Variants in ITGBL1 observed in about 807,000 individuals in gnomAD.
ITGBL1 encodes the protein integrin beta-like protein 1.
A neutral mutation model predicts 68.5 loss-of-function variants in ITGBL1; 51 were observed. The ratio of observed to expected loss-of-function variants is 0.74; its 90% CI spans 0.59 to 0.94. ITGBL1 has a LOEUF of 0.94. Ranked by LOEUF, ITGBL1 falls within the 40% of genes least tolerant of loss-of-function variation. The pLI is 0.00. For synonymous variants in ITGBL1, 209 were observed against 227.3 expected (o/e 0.92, Z 0.72); for missense variants, 649 against 647.4 (o/e 1.00, Z -0.03).
chr13:101,489,275 A>G (rs1255419886), intron 2 of ITGBL1, among the ~76,000 whole-genome samples: 1 of 152,236 alleles, frequency 6.6e-6, no homozygotes, highest in African/African-American at 2.4e-5. Flanking sequence ...AGAATGTGAA[A>G]TAAAGGATTG....
At chr13:101,502,011 A>T (rs1481429227) in intron 2 of ITGBL1, among the ~76,000 whole-genome samples, 1 of 152,154 alleles carries the variant, frequency 6.6e-6, no homozygotes, top group Non-Finnish European at 1.5e-5. Context: ...GGTGAGCCTC[A>T]TCGTTGAAAG....
At chr13:101,630,503 T>C (rs578063773) in intron 7 of ITGBL1, among the ~76,000 whole-genome samples, 6 of 152,292 alleles carry the variant, frequency 3.9e-5, no homozygotes, top group Admixed American at 2.0e-4. Flanking sequence ...TAACTTCACA[T>C]TGAGACCTGG....
At chr13:101,640,485 C>T (rs557125322) in intron 7 of ITGBL1, among the ~76,000 whole-genome samples, 1 of 152,126 alleles carries the variant, frequency 6.6e-6, no homozygotes, top group Admixed American at 6.6e-5. Context: ...TTTTTTACTA[C>T]CTGAAATCTC....
At chr13:101,455,294 A>G (rs2048228013) in intron 2 of ITGBL1, among the ~76,000 whole-genome samples, 1 of 152,226 alleles carries the variant, frequency 6.6e-6, no homozygotes, top group African/African-American at 2.4e-5. Flanking sequence ...TGCAAAAAAT[A>G]GTCATAGAAG....
chr13:101,605,714 G>A (rs576825903), intron 7 of ITGBL1, among the ~76,000 whole-genome samples: 3 of 151,466 alleles, frequency 2.0e-5, no homozygotes, highest in South Asian at 2.1e-4. Flanking sequence ...ATGTATGTGC[G>A]TATATGCGTG....
chr13:101,675,727 G>A (rs1393549096), intron 7 of ITGBL1, among the ~76,000 whole-genome samples: 2 of 152,082 alleles, frequency 1.3e-5, no homozygotes, highest in East Asian at 3.9e-4. Context: ...CCGTGTAAAT[G>A]TCTTATCCAT....
intron 2 of ITGBL1, among the ~76,000 whole-genome samples, chr13:101,503,606 C>T: frequency 6.6e-6 from 1 of 152,138 alleles, no homozygotes; most frequent in Non-Finnish European, 1.5e-5. Flanking sequence ...AAATGACCTC[C>T]AACACACCCC....
intron 3 of ITGBL1, among the ~76,000 whole-genome samples, chr13:101,569,538 G>A (rs937214404): frequency 5.9e-5 from 9 of 152,068 alleles, no homozygotes; most frequent in African/African-American, 1.9e-4. Flanking sequence ...CCTGTATAGC[G>A]TTTTCCTCTC....
chr13:101,569,916 A>G (rs115929323), intron 3 of ITGBL1, among the ~76,000 whole-genome samples: 1 of 152,258 alleles, frequency 6.6e-6, no homozygotes, highest in African/African-American at 2.4e-5. Context: ...ACAAATGTGC[A>G]TTCTATGAGG....
At chr13:101,587,720 CA>C (rs1360608156) in intron 6 of ITGBL1, among the ~76,000 whole-genome samples, 1 of 151,934 alleles carries the variant, frequency 6.6e-6, no homozygotes, top group East Asian at 1.9e-4. Flanking sequence ...TTGATAGAAC[CA>C]TATTATGTGG....
rs369758695 is a variant in ITGBL1, at chr13:101,673,549, G to T, written c.1016-19036G>T. ...AATACTCAAGAAAATAGGCCACATAGTTACAACAGGACTTACCTAATTCCC... is the reference window on the plus strand; with the variant it reads ...AATACTCAAGAAAATAGGCCACATATTTACAACAGGACTTACCTAATTCCC... On this transcript the variant is annotated intron_variant, in intron 7 of 10. Coordinates refer to ENST00000376180, the MANE Select transcript of ITGBL1 (RefSeq NM_004791.3). Among the ~76,000 whole-genome samples the T allele has an allele frequency of 3.9e-5, 6 of 152,194 alleles. No individual in the cohort carries two copies. In the East Asian group the frequency reaches 7.7e-4, roughly 20 times the overall value.
chr13:101,578,629 A>C (rs1309102239), intron 4 of ITGBL1, among the ~76,000 whole-genome samples: 1 of 152,194 alleles, frequency 6.6e-6, no homozygotes, highest in African/African-American at 2.4e-5. Flanking sequence ...GCATCTGGAC[A>C]CAAAATGGTG....
intron 7 of ITGBL1, among the ~76,000 whole-genome samples, chr13:101,673,993 C>G (rs762441514): frequency 6.6e-6 from 1 of 152,154 alleles, no homozygotes; most frequent in Admixed American, 6.5e-5. Context: ...GTTTTAGAGA[C>G]GTATTTTGAT....
At chr13:101,588,866 A>G (rs964479173) in intron 6 of ITGBL1, among the ~76,000 whole-genome samples, 4 of 152,178 alleles carry the variant, frequency 2.6e-5, no homozygotes, top group African/African-American at 9.6e-5. Flanking sequence ...ATTGGAATTG[A>G]GAAACTGGTA....
intron 7 of ITGBL1, among the ~76,000 whole-genome samples, chr13:101,653,479 A>G (rs9585750): frequency 0.43 from 65,870 of 151,986 alleles, 14,641 homozygotes; most frequent in Admixed American, 0.54. Context: ...ACCAAAATCA[A>G]TCAACAAAAG....
intron 7 of ITGBL1, among the ~76,000 whole-genome samples, chr13:101,625,848 C>G (rs558926933): frequency 6.1e-4 from 93 of 152,296 alleles, no homozygotes; most frequent in African/African-American, 2.1e-3. Flanking sequence ...GCCACCGCAC[C>G]CGGCCAGTAA....
chr13:101,561,995 G>T (rs1260121638), intron 2 of ITGBL1, among the ~76,000 whole-genome samples: 1 of 152,156 alleles, frequency 6.6e-6, no homozygotes, highest in Admixed American at 6.6e-5. Flanking sequence ...GCAGTAGATT[G>T]TGTGTCTATA....
intron 4 of ITGBL1, 92 bp from the exon 5 acceptor site, chr13:101,579,195 G>A: frequency 1.4e-6 from 2 of 1,395,814 alleles, no homozygotes. Context: ...CAGTATTTCA[G>A]AAGGCAAAAA....
intron 7 of ITGBL1, among the ~76,000 whole-genome samples, chr13:101,616,317 G>A (rs1377941767): frequency 6.6e-6 from 1 of 152,100 alleles, no homozygotes; most frequent in African/African-American, 2.4e-5. Context: ...GTATATCCAA[G>A]GTAGGATGGG....
Sources: gnomAD v4.1 joint callset for allele counts (sites outside exome capture counted in the v4.1 genomes callset) on GRCh38, gnomAD v4.1.1 for gene constraint, MANE v1.5 for transcripts, NCBI Gene and HGNC (gene_info 2026-07-23, HGNC 2026-07-21) for gene names.